The following TREH variants were observed in gnomAD, a reference collection of about 807,000 sequenced individuals.
TREH encodes the protein alpha,alpha-trehalose glucohydrolase.
In TREH, 69 loss-of-function variants were observed where a neutral mutation model predicts 80.5. The observed-to-expected ratio is 0.86, with a 90% CI of 0.71 to 1.05. TREH has a LOEUF of 1.05. Among genes scored for constraint, TREH ranks in the 50% least tolerant of loss-of-function variants. The pLI is 0.00. For synonymous variants in TREH, 309 were observed against 293.5 expected (o/e 1.05, Z -0.54); for missense variants, 716 against 718.8 (o/e 1.00, Z 0.04).
At chr11:118,663,221 G>C (rs1310547069) in intron 2 of TREH, 25 bp from the exon 3 acceptor site, 28 of 1,581,748 alleles carry the variant, frequency 1.8e-5, no homozygotes, top group Non-Finnish European at 2.3e-5. Context: ...GCAGGGAGGG[G>C]TCAGCAGGGT....
intron 4 of TREH, 82 bp downstream of exon 4, chr11:118,662,799 T>C: frequency 6.8e-7 from 1 of 1,477,508 alleles, no homozygotes; most frequent in Non-Finnish European, 9.2e-7. Context: ...TGATCTGTGC[T>C]CCGAAGACAC....
Position 118,658,319 on chromosome 11 carries a change from G to A in TREH, c.1722C>T (p.Pro574=). The A allele has an allele frequency of 6.3e-7, 1 of 1,590,440 alleles. No individual in the cohort carries two copies. The highest frequency in any genetic ancestry group is 8.6e-7 in the Non-Finnish European group (1 of 1,169,422). The part of the protein sequence containing the change: ...EPHCLAATLL[P]SLLLSLLPW ...ATGGCAGGAGGCTGAGCAGGAGGCT[G>A]GGCAGAAGGGTGGCCGCCAGGCAGT... Residue 574 remains proline, a synonymous_variant, in exon 15 of 15, where the codon CCC becomes CCT. Coordinates refer to ENST00000264029, the MANE Select transcript of TREH (RefSeq NM_007180.3).
intron 1 of TREH, among the ~76,000 whole-genome samples, chr11:118,675,370 G>A (rs1428200765): frequency 2.6e-5 from 4 of 152,114 alleles, no homozygotes; most frequent in African/African-American, 7.2e-5. Flanking sequence ...TGAGTGAGAC[G>A]GCCTCACTTC....
At chr11:118,666,216 G>A (rs928476148) in intron 1 of TREH, among the ~76,000 whole-genome samples, 4 of 151,864 alleles carry the variant, frequency 2.6e-5, no homozygotes, top group African/African-American at 9.7e-5. Context: ...CTGGGCAATG[G>A]AGTAAAACTC....
In TREH at chr11:118,662,009, G is replaced by A; in HGVS notation, c.424-19C>T. 1.3e-6 allele frequency: 2 copies of A among 1,540,204 alleles called. No individual in the cohort carries two copies. The highest frequency in any genetic ancestry group is 1.8e-6 in the Non-Finnish European group (2 of 1,136,684). Reference sequence around the variant, plus strand: ...GCTTCATCTGGAGTCGGGAGAGAGGGCAAGGGGAGCCTAGAATCCCCACGG... The same window carrying A: ...GCTTCATCTGGAGTCGGGAGAGAGGACAAGGGGAGCCTAGAATCCCCACGG... On this transcript the variant is annotated intron_variant, in intron 4 of 14. Transcript: ENST00000264029.
rs1300974741 is a variant in TREH at position 118,674,343 on chromosome 11, G to A, written c.89+5196C>T. Among the ~76,000 whole-genome samples, 4 of 152,204 alleles carry A rather than the reference G, an allele frequency of 2.6e-5. No homozygotes were observed. Among genetic ancestry groups the A allele is most frequent in the East Asian group, 3.9e-4 (2 of 5,188 alleles). On this transcript the variant is annotated intron_variant, in intron 1 of 14. Transcript: ENST00000264029. This position sits in a 1 kb window ranked among gnomAD's most constrained non-coding sequence, Gnocchi z 4.4. ...GAAGGCTAACAATCTCTGTGGACTT[G>A]GGCAATCTTATTGGTTCCCATTTGG...
intron 11 of TREH, 47 bp downstream of exon 11, chr11:118,659,700 G>A (rs1949290433): frequency 1.3e-6 from 2 of 1,546,372 alleles, no homozygotes; most frequent in Non-Finnish European, 8.7e-7. Flanking sequence ...GGTCGGGAGG[G>A]GGCGGTGCTG....
intron 1 of TREH, among the ~76,000 whole-genome samples, chr11:118,675,692 G>T (rs1555146739): frequency 6.6e-6 from 1 of 151,996 alleles, no homozygotes; most frequent in East Asian, 1.9e-4. Context: ...CCAGGACTTG[G>T]TATTTATTTG....
chr11:118,667,241 C>G lies in TREH; in HGVS notation c.90-3802G>C, dbSNP rs143059925. On this transcript the variant is annotated intron_variant, in intron 1 of 14. Coordinates refer to ENST00000264029, the MANE Select transcript of TREH (RefSeq NM_007180.3). ...TCACCCAGGCTGAAATGCAGTGATGCAATCACAGCTCACTGCAACCTCAAT... is the reference window on the plus strand; with the variant it reads ...TCACCCAGGCTGAAATGCAGTGATGGAATCACAGCTCACTGCAACCTCAAT... Among the ~76,000 whole-genome samples the G allele has an allele frequency of 2.0e-3, 306 of 152,140 alleles. 10 individuals are homozygous for G. The East Asian group carries it at 0.044, about 22-fold the overall frequency.
At position 118,658,414 on chromosome 11, in the gene TREH, C is replaced by G; in HGVS notation, c.1627G>C (p.Val543Leu). 6.2e-7 allele frequency: 1 copy of G among 1,611,240 alleles called. No homozygotes were observed. The highest frequency in any genetic ancestry group is 2.2e-5 in the East Asian group (1 of 44,870). ...QEGFGWTNGV[V>L]LMLLDRYGDR... is the part of the protein sequence containing the mutation. ...CCATAGCGGTCCAGCAGCATCAGGA[C>G]CACGCCATTCGTCCAGCCAAATCCC... The change falls in exon 15 of 15, where the codon GTC becomes CTC. Residue 543 changes from valine (V) to leucine (L), a missense_variant. Physicochemically the swap from Val to Leu is conservative, Grantham distance 32. Transcript: ENST00000264029.
intron 1 of TREH, among the ~76,000 whole-genome samples, chr11:118,675,799 G>GT (rs11464189): frequency 1 from 152,285 of 152,286 alleles, 76,142 homozygotes; most frequent in Non-Finnish European, 1. Flanking sequence ...CACCTCCCAG[G>GT]TCAATGATTC....
chr11:118,661,276 G>C lies in TREH; in HGVS notation c.741C>G (p.Asn247Lys). The change falls in exon 8 of 15, where the codon AAC becomes AAG. Residue 247 changes from asparagine to lysine, a missense_variant. Physicochemically the swap from Asn to Lys is moderately conservative, Grantham distance 94. Transcript: ENST00000264029. The surrounding 1 kb of genome is among the most constrained non-coding windows in gnomAD (Gnocchi z 4.2). ...CCAATTCCAAGGCTAGTGTTTCAAT[G>C]TTTTCCCTGGAGTGAAGCAGACAAC... ...HTNDTAFLQE[N>K]IETLALELDF... is the part of the protein sequence containing the mutation. 1 of 1,613,992 alleles carries C rather than the reference G, an allele frequency of 6.2e-7. No homozygotes were observed. Among genetic ancestry groups the C allele is most frequent in the South Asian group, 1.1e-5 (1 of 91,076 alleles).
Position 118,661,926 on chromosome 11 carries a change from A to G in TREH, c.488T>C (p.Ile163Thr). Residue 163 changes from isoleucine to threonine, a missense_variant, in exon 5 of 15, where the codon ATT becomes ACT. Physicochemically the swap from Ile to Thr is moderately conservative, Grantham distance 89 (BLOSUM62 -1). Coordinates refer to ENST00000264029, the MANE Select transcript of TREH (RefSeq NM_007180.3). This position sits in a 1 kb window ranked among gnomAD's most constrained non-coding sequence, Gnocchi z 4.2. ...CTCAACAAAGCGACCGCCAGGCACA[A>G]TGAAGGGATGTTCTGAGTAGATGAG... Reference protein sequence around the residue: ...FSLIYSEHPFIVPGGRFVEFY... With the variant: ...FSLIYSEHPFTVPGGRFVEFY... 1.3e-6 allele frequency: 2 copies of G among 1,555,896 alleles called. No individual in the cohort carries two copies. The highest frequency in any genetic ancestry group is 1.7e-6 in the Non-Finnish European group (2 of 1,149,502).
chr11:118,668,561 CAAAAAAAAAA>C (rs35085066), intron 1 of TREH, among the ~76,000 whole-genome samples: 7 of 47,868 alleles, frequency 1.5e-4, no homozygotes, highest in Admixed American at 4.2e-4. Context: ...GACTCTGTCT[CAAAAAAAAAA>C]AAAAAAAAAA....
At chr11:118,665,564 C>T (rs1234164797) in intron 1 of TREH, among the ~76,000 whole-genome samples, 7 of 151,942 alleles carry the variant, frequency 4.6e-5, no homozygotes, top group African/African-American at 1.2e-4. Context: ...GGCGTGAACC[C>T]GGGAGGCAGA....
Position 118,660,562 on chromosome 11 carries a change from A to G in TREH, c.1079T>C (p.Met360Thr), listed in dbSNP as rs117008573. 4.8e-5 allele frequency: 77 copies of G among 1,608,314 alleles called. No homozygotes were observed. In the East Asian group the frequency reaches 1.6e-3, roughly 34 times the overall value. The change falls in exon 10 of 15, where the codon ATG (methionine) becomes ACG (threonine). Residue 360 changes from methionine to threonine, a missense_variant. Physicochemically the swap from Met to Thr is moderately conservative, Grantham distance 81 (BLOSUM62 -1). Coordinates refer to ENST00000264029, the MANE Select transcript of TREH (RefSeq NM_007180.3). ...ACCCAGCCTGGAATAGAAGTTGCTC[A>G]TCAGCTCCTCTGCTTGGCATAGGAA... ...NAFLCQAEEL[M>T]SNFYSRLGND...
chr11:118,667,160 G>A (rs1322018628), intron 1 of TREH, among the ~76,000 whole-genome samples: 1 of 152,004 alleles, frequency 6.6e-6, no homozygotes, highest in Non-Finnish European at 1.5e-5. Flanking sequence ...GGGATTACAG[G>A]TGTGGGCCAC....
At chr11:118,671,792 G>A (rs1555146314) in intron 1 of TREH, among the ~76,000 whole-genome samples, 2 of 152,156 alleles carry the variant, frequency 1.3e-5, no homozygotes, top group South Asian at 2.1e-4. Flanking sequence ...CCTAAAAGCA[G>A]CAAGAGAAAT....
At chr11:118,658,567 C>T (rs1237863702) in intron 14 of TREH, 113 bp downstream of exon 14, 99 of 1,516,658 alleles carry the variant, frequency 6.5e-5, no homozygotes, top group Non-Finnish European at 8.7e-5. Flanking sequence ...CACCAGTCAG[C>T]TCCTCCCCCG....
Sources: gnomAD v4.1 joint callset for allele counts (sites outside exome capture counted in the v4.1 genomes callset) on GRCh38, gnomAD v4.1.1 for gene constraint, Gnocchi (gnomAD v3.1) non-coding constraint, MANE v1.5 for transcripts, NCBI Gene and HGNC (gene_info 2026-07-23, HGNC 2026-07-21) for gene names.